Variants in GPR137C observed in about 807,000 individuals in gnomAD.
GPR137C encodes integral membrane protein GPR137C.
Under a neutral mutation model 43.4 loss-of-function variants are expected in GPR137C, and 27 were observed. The ratio of observed to expected loss-of-function variants is 0.62; its 90% CI spans 0.46 to 0.86. The LOEUF (loss-of-function observed/expected upper bound fraction) is 0.86. Ranked by LOEUF, GPR137C falls within the 40% of genes least tolerant of loss-of-function variation. The probability of loss-of-function intolerance (pLI) is 0.00; values close to 1 mark genes in which losing one functional copy is unlikely to be tolerated. For synonymous variants in GPR137C, 285 were observed against 226.9 expected (o/e 1.26, Z -2.30); for missense variants, 522 against 534.6 (o/e 0.98, Z 0.23).
chr14:52,595,623 T>G (rs1414296927), intron 1 of GPR137C, among the ~76,000 whole-genome samples: 1 of 152,248 alleles, frequency 6.6e-6, no homozygotes, highest in African/African-American at 2.4e-5. Context: ...TATTGAAGCT[T>G]GTGCATGCAT....
intron 1 of GPR137C, among the ~76,000 whole-genome samples, chr14:52,560,796 G>A (rs993328915): frequency 6.6e-6 from 1 of 152,156 alleles, no homozygotes; most frequent in Non-Finnish European, 1.5e-5. Context: ...ATTTGTAGAA[G>A]ACAGAAGATG....
chr14:52,592,475 C>T (rs182405542), intron 1 of GPR137C, among the ~76,000 whole-genome samples: 226 of 152,210 alleles, frequency 1.5e-3, no homozygotes, highest in African/African-American at 5.2e-3. Flanking sequence ...ATGGAATGTT[C>T]TTCCATTTGT....
intron 1 of GPR137C, among the ~76,000 whole-genome samples, chr14:52,590,462 G>T (rs1243423846): frequency 6.6e-6 from 1 of 152,122 alleles, no homozygotes; most frequent in Admixed American, 6.6e-5. Context: ...TGTTTATAAA[G>T]TCTACAGTAG....
chr14:52,621,934 C>A (rs1490766095), intron 3 of GPR137C, among the ~76,000 whole-genome samples: 1 of 151,472 alleles, frequency 6.6e-6, no homozygotes, highest in African/African-American at 2.4e-5. Context: ...CCATTACATT[C>A]TAACAAATAA....
chr14:52,597,037 C>T (rs1196930938), intron 1 of GPR137C: 14 of 454,828 alleles, frequency 3.1e-5, no homozygotes, highest in East Asian at 2.1e-4. Flanking sequence ...TTAAGCGACA[C>T]GTGGCTGTAC....
intron 1 of GPR137C, among the ~76,000 whole-genome samples, chr14:52,582,138 G>A (rs1200104604): frequency 6.6e-6 from 1 of 152,198 alleles, no homozygotes; most frequent in African/African-American, 2.4e-5. Context: ...TCCAGTGTCT[G>A]ATAAGGATCC....
rs78011925 is a variant in GPR137C at position 52,568,707 on chromosome 14, G to A, written c.444+15116G>A. ...TTAGAACTGGGCGGAGCCAACCGCA[G>A]CTCAGCAAAGCCAATGTAGCCAGAC... is the stretch of plus-strand genomic sequence containing the variant. On this transcript the variant is annotated intron_variant, in intron 1 of 6. Coordinates refer to ENST00000321662, the MANE Select transcript of GPR137C (RefSeq NM_001099652.2). Among the ~76,000 whole-genome samples, 1,368 of 152,350 alleles carry A rather than the reference G, an allele frequency of 9.0e-3. 21 individuals are homozygous for A. Among genetic ancestry groups the A allele is most frequent in the Admixed American group, 0.04 (617 of 15,308 alleles).
At chr14:52,599,780 G>T (rs1213968303) in intron 2 of GPR137C, among the ~76,000 whole-genome samples, 3 of 152,106 alleles carry the variant, frequency 2.0e-5, no homozygotes, top group Admixed American at 1.3e-4. Flanking sequence ...TAATCAATAT[G>T]AATTTAGATA....
chr14:52,555,051 A>G (rs899856711), intron 1 of GPR137C, among the ~76,000 whole-genome samples: 2 of 151,870 alleles, frequency 1.3e-5, no homozygotes, highest in African/African-American at 4.8e-5. Context: ...TAACACTTCT[A>G]CCCTTTATAC....
intron 1 of GPR137C, among the ~76,000 whole-genome samples, chr14:52,572,684 C>T (rs1337971975): frequency 6.6e-6 from 1 of 152,112 alleles, no homozygotes; most frequent in Non-Finnish European, 1.5e-5. Flanking sequence ...TTGAAACTGG[C>T]ACAAGACAAG....
At position 52,553,163 on chromosome 14, in the gene GPR137C, C is replaced by T; in HGVS notation, c.16C>T (p.Pro6Ser). 8.5e-7 allele frequency: 1 copy of T among 1,173,944 alleles called. No homozygotes were observed. Among genetic ancestry groups the T allele is most frequent in the Non-Finnish European group, 1.0e-6 (1 of 953,202 alleles). The allele number at this position is 1,173,944 out of a possible 1,614,324, so 72.7% of individuals were successfully genotyped here. A position where few individuals can be genotyped will look rare whatever the true frequency, so the allele number is the denominator to read the frequency against. Residue 6 changes from proline to serine, a missense_variant, in exon 1 of 7, where the codon CCG becomes TCG. Coordinates refer to ENST00000321662, the MANE Select transcript of GPR137C (RefSeq NM_001099652.2). ...CAGCCCCCTCATGAGGGTGTCCGTG[C>T]CGGGTCCGGCGGCCGCTGCCGCCCC... The part of the protein sequence containing the change: MRVSV[P>S]GPAAAAAPAA...
rs1375360541 is a variant in GPR137C at position 52,553,497 on chromosome 14, C to G, written c.350C>G (p.Ala117Gly). The change falls in exon 1 of 7, where the codon GCT becomes GGT. Residue 117 changes from alanine to glycine, a missense_variant. Transcript: ENST00000321662. ...SGSLPLLRPP[A>G]HLHFFPHWLL... ...TCCCTGCCCTTGCTCCGGCCGCCCGCTCACCTGCACTTCTTCCCCCACTGG... is the reference window on the plus strand; with the variant it reads ...TCCCTGCCCTTGCTCCGGCCGCCCGGTCACCTGCACTTCTTCCCCCACTGG... 1.9e-6 allele frequency: 3 copies of G among 1,609,116 alleles called. No individual in the cohort carries two copies. Among genetic ancestry groups the G allele is most frequent in the Non-Finnish European group, 2.5e-6 (3 of 1,179,776 alleles).
intron 1 of GPR137C, among the ~76,000 whole-genome samples, chr14:52,570,913 C>G (rs942067731): frequency 2.0e-5 from 3 of 152,108 alleles, no homozygotes; most frequent in Non-Finnish European, 4.4e-5. Flanking sequence ...CCCCACTGTC[C>G]ATATTAGACA....
intron 3 of GPR137C, 51 bp from the exon 4 acceptor site, chr14:52,632,109 G>T (rs370606352): frequency 1.2e-4 from 165 of 1,329,486 alleles, no homozygotes; most frequent in Non-Finnish European, 1.6e-4. Context: ...TGAATAGCTT[G>T]TCGTGACAAA....
At chr14:52,592,333 A>G (rs2038795476) in intron 1 of GPR137C, among the ~76,000 whole-genome samples, 3 of 152,148 alleles carry the variant, frequency 2.0e-5, no homozygotes, top group African/African-American at 7.2e-5. Flanking sequence ...TTGGTTCCAT[A>G]TGAACTTTAA....
chr14:52,626,017 A>G (rs534048183), intron 3 of GPR137C, among the ~76,000 whole-genome samples: 68 of 152,328 alleles, frequency 4.5e-4, no homozygotes, highest in African/African-American at 1.6e-3. Flanking sequence ...CAATACAACA[A>G]TAAAAATAAT....
intron 1 of GPR137C, among the ~76,000 whole-genome samples, chr14:52,594,246 A>T (rs1211748785): frequency 6.6e-6 from 1 of 152,168 alleles, no homozygotes; most frequent in Non-Finnish European, 1.5e-5. Context: ...ACTTCCAATT[A>T]TGTGGTCAAT....
intron 1 of GPR137C, among the ~76,000 whole-genome samples, chr14:52,574,307 T>C (rs777243752): frequency 6.6e-6 from 1 of 152,126 alleles, no homozygotes; most frequent in Non-Finnish European, 1.5e-5. Context: ...AGCAAAGACT[T>C]GGAACCAACC....
chr14:52,622,672 T>A (rs1248472121), intron 3 of GPR137C, among the ~76,000 whole-genome samples: 2 of 152,024 alleles, frequency 1.3e-5, no homozygotes, highest in East Asian at 3.8e-4. Flanking sequence ...AAAATGGTGT[T>A]CTATGAAAAA....
Sources: allele counts gnomAD v4.1 joint callset (sites outside exome capture counted in the v4.1 genomes callset), GRCh38; gene constraint gnomAD v4.1.1; transcripts MANE v1.5; gene names NCBI Gene and HGNC (gene_info 2026-07-23, HGNC 2026-07-21).